Variants in C5orf34 observed in about 807,000 individuals in gnomAD.
C5orf34 encodes the protein chromosome 5 open reading frame 34, also known as uncharacterized protein C5orf34.
A neutral mutation model predicts 78.4 loss-of-function variants in C5orf34; 73 were observed. That is an observed-to-expected ratio of 0.93 (90% CI 0.77 to 1.13). C5orf34 has a LOEUF of 1.13. Among genes scored for constraint, C5orf34 ranks in the 50% most tolerant of loss-of-function variants. The probability of loss-of-function intolerance (pLI) is 0.00; values close to 1 mark genes in which losing one functional copy is unlikely to be tolerated. For missense variants in C5orf34, 730 were observed against 732.7 expected (o/e 1.00, Z 0.04); for synonymous variants, 251 against 246.6 (o/e 1.02, Z -0.17).
chr5:43,513,787 C>T (rs1325194580), intron 1 of C5orf34, among the ~76,000 whole-genome samples: 4 of 152,196 alleles, frequency 2.6e-5, no homozygotes, highest in East Asian at 1.9e-4. Flanking sequence ...AAGGGCCCAA[C>T]GACCAACTAA....
At chr5:43,494,200 A>T (rs1745404744) in intron 7 of C5orf34, among the ~76,000 whole-genome samples, 1 of 152,184 alleles carries the variant, frequency 6.6e-6, no homozygotes, top group African/African-American at 2.4e-5. Context: ...TCAAATCTCC[A>T]ACTTGATTTC....
intron 10 of C5orf34, 141 bp downstream of exon 10, chr5:43,492,074 T>A: frequency 2.2e-6 from 1 of 448,066 alleles, no homozygotes; most frequent in Non-Finnish European, 4.1e-6. Context: ...AGCTATCAAC[T>A]CTGAAACGAC....
chr5:43,493,255 T>C (rs1206820577), intron 8 of C5orf34, among the ~76,000 whole-genome samples: 1 of 152,080 alleles, frequency 6.6e-6, no homozygotes, highest in East Asian at 1.9e-4. Context: ...TAGAACACTA[T>C]AATATCATGG....
At chr5:43,506,518 G>A in intron 3 of C5orf34, 124 bp from the exon 4 acceptor site, 2 of 956,792 alleles carry the variant, frequency 2.1e-6, no homozygotes, top group African/African-American at 1.7e-5. Flanking sequence ...TATCTACAGA[G>A]AATGAAAAAA....
At chr5:43,503,410 C>A (rs1167679904) in intron 5 of C5orf34, among the ~76,000 whole-genome samples, 3 of 152,200 alleles carry the variant, frequency 2.0e-5, no homozygotes, top group African/African-American at 4.8e-5. Flanking sequence ...ACTAGCAAAC[C>A]AATCCCTCAT....
intron 4 of C5orf34, 139 bp from the exon 5 acceptor site, chr5:43,503,899 G>A: frequency 3.4e-6 from 2 of 580,754 alleles, no homozygotes; most frequent in East Asian, 2.9e-5. Context: ...TAATATGAAG[G>A]TATATTAATG....
chr5:43,487,131 A>G lies in C5orf34; in HGVS notation c.1721-20T>C. Reference sequence around the variant, plus strand: ...GTAGCACTAAGTTGCTTAGTTAAGGAGGTTTTCCCCACATTTTTCACTATA... The same window carrying G: ...GTAGCACTAAGTTGCTTAGTTAAGGGGGTTTTCCCCACATTTTTCACTATA... On this transcript the variant is annotated intron_variant, in intron 12 of 12. Transcript: ENST00000306862. 1 of 1,284,020 alleles carries G rather than the reference A, an allele frequency of 7.8e-7. No individual in the cohort carries two copies. Among genetic ancestry groups the G allele is most frequent in the Non-Finnish European group, 1.1e-6 (1 of 947,158 alleles). The allele number at this position is 1,284,020 out of a possible 1,614,324, so 79.5% of individuals were successfully genotyped here. A position where few individuals can be genotyped will look rare whatever the true frequency, so the allele number is the denominator to read the frequency against.
intron 4 of C5orf34, 143 bp from the exon 5 acceptor site, chr5:43,503,903 A>G (rs986614084): frequency 4.9e-5 from 29 of 590,650 alleles, no homozygotes; most frequent in Non-Finnish European, 7.8e-5. Flanking sequence ...ATGAAGGTAT[A>G]TTAATGAAAT....
chr5:43,489,035 T>C (rs1249823204), intron 11 of C5orf34, among the ~76,000 whole-genome samples: 1 of 152,090 alleles, frequency 6.6e-6, no homozygotes, highest in Non-Finnish European at 1.5e-5. Flanking sequence ...TTTAAACACC[T>C]GTGGCAAAGA....
At chr5:43,510,253 C>G (rs1174440311) in intron 1 of C5orf34, among the ~76,000 whole-genome samples, 3 of 152,212 alleles carry the variant, frequency 2.0e-5, no homozygotes, top group Non-Finnish European at 4.4e-5. Context: ...TGTCTCTACC[C>G]TAGCATTAAA....
Position 43,505,911 on chromosome 5 carries a change from AAGAC to A in C5orf34, c.765_768del (p.Leu255PhefsTer2). On this transcript the variant is annotated frameshift_variant, in exon 4 of 13. Transcript: ENST00000306862. LOFTEE classifies it high-confidence loss of function. ...ATTTTATTATGAAAATGAAGTGCTA[AAGAC>A]AAAGGATATTTCCATTCCTCTGGAC... 6.2e-7 allele frequency: 1 copy of A among 1,614,076 alleles called. No homozygotes were observed. Among genetic ancestry groups the A allele is most frequent in the Non-Finnish European group, 8.5e-7 (1 of 1,179,926 alleles).
intron 8 of C5orf34, among the ~76,000 whole-genome samples, chr5:43,493,254 A>G (rs1745359508): frequency 6.6e-6 from 1 of 152,100 alleles, no homozygotes; most frequent in Admixed American, 6.5e-5. Flanking sequence ...ATAGAACACT[A>G]TAATATCATG....
chr5:43,495,393 C>CA (rs1745460745), intron 6 of C5orf34: 3 of 1,611,624 alleles, frequency 1.9e-6, no homozygotes, highest in Admixed American at 3.3e-5. Context: ...GGGGCATAGC[C>CA]AGCGCTTATT....
Position 43,502,465 on chromosome 5 carries a change from C to T in C5orf34, c.1059G>A (p.Glu353=), listed in dbSNP as rs529929170. The stretch of plus-strand genomic sequence containing the variant: ...AAACAGATCCATCCCCAGAATAAAT[C>T]TCTATTGAGTTCATATTTTGATGGG... ...RLTHQNMNSI[E]IYSGDGSVFK... is the part of the protein sequence containing the mutation. Residue 353 remains glutamate (E), a synonymous_variant, in exon 6 of 13, where the codon GAG becomes GAA. Transcript: ENST00000306862. 3 of 1,583,230 alleles carry T rather than the reference C, an allele frequency of 1.9e-6. No homozygotes were observed. The highest frequency in any genetic ancestry group is 1.1e-5 in the South Asian group (1 of 89,142).
rs116859519 is a variant in C5orf34, at chr5:43,513,427, A to G, written c.-37+1379T>C. On this transcript the variant is annotated intron_variant, in intron 1 of 12. Coordinates refer to ENST00000306862, the MANE Select transcript of C5orf34 (RefSeq NM_198566.4). ...CTTTCACTCTCATCTCTTCCCTCAA[A>G]TCCAGTCTGCATACAGTAGTGCCCA... is the stretch of plus-strand genomic sequence containing the variant. 7.5e-4 allele frequency among the ~76,000 whole-genome samples: 114 copies of G among 152,272 alleles called. 2 individuals carry two copies. In the East Asian group the frequency reaches 0.021, roughly 28 times the overall value.
chr5:43,502,386 C>T lies in C5orf34; in HGVS notation c.1138G>A (p.Glu380Lys). 1.2e-6 allele frequency: 2 copies of T among 1,612,096 alleles called. No homozygotes were observed. Among genetic ancestry groups the T allele is most frequent in the Non-Finnish European group, 1.7e-6 (2 of 1,179,114 alleles). Residue 380 changes from glutamate to lysine, a missense_variant, in exon 6 of 13, where the codon GAA becomes AAA. Coordinates refer to ENST00000306862, the MANE Select transcript of C5orf34 (RefSeq NM_198566.4). ...TGTTGGCTTACCTTTCCTGATCCTT[C>T]TTGAATAGAATAATAAGTAAAATAG... The part of the protein sequence containing the change: ...GNYFTYYSIQ[E>K]GSGKREEKTY...
intron 8 of C5orf34, among the ~76,000 whole-genome samples, 197 bp downstream of exon 8, chr5:43,493,346 T>A (rs933565797): frequency 2.0e-5 from 3 of 152,096 alleles, no homozygotes; most frequent in Non-Finnish European, 4.4e-5. Context: ...ATAAGAACCA[T>A]ATACAATAAA....
At position 43,495,629 on chromosome 5, in the gene C5orf34, A is replaced by G. The variant is rs560463557; in HGVS notation, c.1153-1028T>C. 6.4e-5 allele frequency: 103 copies of G among 1,602,788 alleles called. No homozygotes were observed. In the African/African-American group the frequency reaches 1.3e-3, roughly 20 times the overall value. ...AATGTTGACTGGAGCAAAGGTGACC[A>G]CCACACCAGGTTTGAGAACACCAGT... On this transcript the variant is annotated intron_variant, in intron 6 of 12. Transcript: ENST00000306862.
At chr5:43,513,107 C>T (rs769578665) in intron 1 of C5orf34, among the ~76,000 whole-genome samples, 1 of 152,060 alleles carries the variant, frequency 6.6e-6, no homozygotes, top group South Asian at 2.1e-4. Flanking sequence ...TAACCTTACC[C>T]CCTTTAATGT....
Sources: gnomAD v4.1 joint callset for allele counts (sites outside exome capture counted in the v4.1 genomes callset) on GRCh38, gnomAD v4.1.1 for gene constraint, MANE v1.5 for transcripts, NCBI Gene and HGNC (gene_info 2026-07-23, HGNC 2026-07-21) for gene names.